Variants in MCPH1 observed in about 807,000 individuals in gnomAD.
MCPH1 encodes microcephalin.
Under a neutral mutation model 84.5 loss-of-function variants are expected in MCPH1, and 104 were observed. The observed-to-expected ratio is 1.23, with a 90% CI of 1.05 to 1.45. The LOEUF (loss-of-function observed/expected upper bound fraction) is 1.45, where lower values mean the gene tolerates loss of function less well. Among genes scored for constraint, MCPH1 ranks in the 40% most tolerant of loss-of-function variants. The probability of loss-of-function intolerance (pLI) is 0.00; values close to 1 mark genes in which losing one functional copy is unlikely to be tolerated. For missense variants in MCPH1, 1,498 were observed against 1,005.7 expected (o/e 1.49, Z -6.62); for synonymous variants, 514 against 366.8 (o/e 1.40, Z -4.58).
chr8:6,472,942 G>C (rs754337060), intron 9 of MCPH1, among the ~76,000 whole-genome samples: 1 of 152,176 alleles, frequency 6.6e-6, no homozygotes, highest in Non-Finnish European at 1.5e-5. Flanking sequence ...AAAGTAAACA[G>C]AGAGGTAACA....
rs765741900 is a variant in MCPH1 at position 6,513,714 on chromosome 8, T to G, written c.2214+13785T>G. On this transcript the variant is annotated intron_variant, in intron 12 of 13. Coordinates refer to ENST00000344683, the MANE Select transcript of MCPH1 (RefSeq NM_024596.5). ...TTCTTCACTTGAGAGATAGAAATGT[T>G]CATACAATGAGTAAGCCTCATTCCC... 52 of 1,613,644 alleles carry G rather than the reference T, an allele frequency of 3.2e-5. No individual in the cohort carries two copies. The highest frequency in any genetic ancestry group is 3.6e-5 in the Non-Finnish European group (42 of 1,179,874).
intron 12 of MCPH1, among the ~76,000 whole-genome samples, chr8:6,605,932 A>G (rs780308084): frequency 2.6e-5 from 4 of 152,144 alleles, no homozygotes; most frequent in Admixed American, 6.5e-5. Context: ...CCTGACCTCA[A>G]GTGATCTACC....
At chr8:6,423,531 TTATATATA>T (rs1200819454) in intron 3 of MCPH1, among the ~76,000 whole-genome samples, 1 of 152,192 alleles carries the variant, frequency 6.6e-6, no homozygotes, top group Non-Finnish European at 1.5e-5. Flanking sequence ...GCATCCCACT[TTATATATA>T]TAAGAATATT....
chr8:6,637,908 T>G (rs1003222932), intron 13 of MCPH1, among the ~76,000 whole-genome samples: 1 of 152,184 alleles, frequency 6.6e-6, no homozygotes, highest in Non-Finnish European at 1.5e-5. Flanking sequence ...CAGAGCCAGG[T>G]GCACTCGCTG....
At chr8:6,622,483 G>A (rs2980659) in intron 13 of MCPH1, among the ~76,000 whole-genome samples, 1,855 of 152,316 alleles carry the variant, frequency 0.012, 39 homozygotes, top group African/African-American at 0.041. Flanking sequence ...CATATGTGGC[G>A]GGACAAGCCT....
At chr8:6,477,412 A>T in intron 9 of MCPH1, 182 bp from the exon 10 acceptor site, 26 of 554,096 alleles carry the variant, frequency 4.7e-5, no homozygotes, top group Non-Finnish European at 6.4e-5. Context: ...ACAGTATCTG[A>T]GTTTCTATCT....
At position 6,643,309 on chromosome 8, in the gene MCPH1, G is replaced by C. The variant is rs1242291720; in HGVS notation, c.*260G>C. ...AGACGGAGTCCTGCCCTGTTTCCCA[G>C]GCTGGAGTGCAATGGCACAATCTCG... On this transcript the variant is annotated 3_prime_UTR_variant, in exon 14 of 14. Coordinates refer to ENST00000344683, the MANE Select transcript of MCPH1 (RefSeq NM_024596.5). 1 of 473,186 alleles carries C rather than the reference G, an allele frequency of 2.1e-6. No homozygotes were observed. The highest frequency in any genetic ancestry group is 3.8e-6 in the Non-Finnish European group (1 of 261,726). 29.3% of individuals were successfully genotyped at this position (473,186 alleles called of 1,614,324 possible). A position where few individuals can be genotyped will look rare whatever the true frequency, so the allele number is the denominator to read the frequency against.
At chr8:6,534,543 A>G (rs943224223) in intron 12 of MCPH1, among the ~76,000 whole-genome samples, 5 of 152,226 alleles carry the variant, frequency 3.3e-5, no homozygotes, top group African/African-American at 9.6e-5. Flanking sequence ...TGCTGGGACT[A>G]CGAGCGTGAG....
At chr8:6,475,304 T>C (rs1008485653) in intron 9 of MCPH1, among the ~76,000 whole-genome samples, 3 of 152,250 alleles carry the variant, frequency 2.0e-5, no homozygotes, top group South Asian at 2.1e-4. Context: ...GGCACTCCTT[T>C]TACGTGGTGG....
chr8:6,522,078 G>A lies in MCPH1; in HGVS notation c.2214+22149G>A, dbSNP rs200941200. On this transcript the variant is annotated intron_variant, in intron 12 of 13. Transcript: ENST00000344683. Reference sequence around the variant, plus strand: ...GGGTTTTAAAATGTAAATGCTGGCCGGGCGCAGTGGCTCACGCTTGTAATC... The same window carrying A: ...GGGTTTTAAAATGTAAATGCTGGCCAGGCGCAGTGGCTCACGCTTGTAATC... Among the ~76,000 whole-genome samples the A allele has an allele frequency of 1.1e-4, 16 of 152,284 alleles. No homozygotes were observed. The East Asian group carries it at 3.1e-3, about 29-fold the overall frequency.
rs555375213 is a variant in MCPH1, at chr8:6,555,663, G to A, written c.2214+55734G>A. On this transcript the variant is annotated intron_variant, in intron 12 of 13. Coordinates refer to ENST00000344683, the MANE Select transcript of MCPH1 (RefSeq NM_024596.5). ...TTTTTGGTAGAGACGGGGTTTCATCGTGTTGGCCAGGCTGGTTTTGAACTC... is the reference window on the plus strand; with the variant it reads ...TTTTTGGTAGAGACGGGGTTTCATCATGTTGGCCAGGCTGGTTTTGAACTC... Among the ~76,000 whole-genome samples the A allele has an allele frequency of 5.3e-5, 8 of 151,988 alleles. No homozygotes were observed. In the South Asian group the frequency reaches 8.3e-4, roughly 16 times the overall value.
chr8:6,642,988 C>G lies in MCPH1; in HGVS notation c.2453-6C>G. ...AATGCTAAACTGCTTTTCGCTCTCT[C>G]TCTAGATTCCATCACCCAGCACAAG... On this transcript the variant is annotated splice_polypyrimidine_tract_variant and splice_region_variant and intron_variant, in intron 13 of 13. Transcript: ENST00000344683. 1.2e-6 allele frequency: 2 copies of G among 1,613,920 alleles called. No homozygotes were observed. Among genetic ancestry groups the G allele is most frequent in the South Asian group, 1.1e-5 (1 of 91,046 alleles).
intron 4 of MCPH1, among the ~76,000 whole-genome samples, chr8:6,433,519 G>C (rs1054775957): frequency 2.4e-4 from 36 of 151,342 alleles, no homozygotes; most frequent in African/African-American, 8.8e-4. Flanking sequence ...TGTAATCCCA[G>C]CTACTCAGGA....
chr8:6,645,606 C>CAAAAAAAA lies in MCPH1; in HGVS notation c.*2570_*2577dup, dbSNP rs34907559. ...CTATGTATAGAAATTGTAAGGAATG[C>CAAAAAAAA]AAAAAAAAAAAAAAAAAAAAGCCCT... On this transcript the variant is annotated 3_prime_UTR_variant, in exon 14 of 14. Coordinates refer to ENST00000344683, the MANE Select transcript of MCPH1 (RefSeq NM_024596.5). 1 of 51,764 alleles carries CAAAAAAAA rather than the reference C, an allele frequency of 1.9e-5. No individual in the cohort carries two copies. Among genetic ancestry groups the CAAAAAAAA allele is most frequent in the East Asian group, 4.9e-4 (1 of 2,054 alleles). The allele number at this position is 51,764 out of a possible 1,614,324, so 3.2% of individuals were successfully genotyped here. A position where few individuals can be genotyped will look rare whatever the true frequency, so the allele number is the denominator to read the frequency against.
intron 12 of MCPH1, among the ~76,000 whole-genome samples, chr8:6,587,009 C>G: frequency 6.6e-6 from 1 of 152,086 alleles, no homozygotes; most frequent in East Asian, 1.9e-4. Flanking sequence ...CCTCGGCTTA[C>G]CACCCAGCGC....
rs1213229152 is a variant in MCPH1, at chr8:6,614,193, A to G, written c.2215-7261A>G. ...TGGGTCTGACTTCACCTCTTTTGCAATGATCAGCACTAGGATATGGTTTTG... is the reference window on the plus strand; with the variant it reads ...TGGGTCTGACTTCACCTCTTTTGCAGTGATCAGCACTAGGATATGGTTTTG... On this transcript the variant is annotated intron_variant, in intron 12 of 13. Transcript: ENST00000344683. Among the ~76,000 whole-genome samples the G allele has an allele frequency of 2.6e-5, 4 of 152,314 alleles. No homozygotes were observed. In the East Asian group the frequency reaches 5.8e-4, roughly 22 times the overall value.
In MCPH1 at chr8:6,625,694, G is replaced by T. The variant is rs1350399391; in HGVS notation, c.2452+4003G>T. 4.1e-6 allele frequency: 4 copies of T among 982,524 alleles called. No homozygotes were observed. In the Admixed American group the frequency reaches 1.8e-4, roughly 45 times the overall value. 60.9% of individuals were successfully genotyped at this position (982,524 alleles called of 1,614,324 possible). A position where few individuals can be genotyped will look rare whatever the true frequency, so the allele number is the denominator to read the frequency against. ...TGCCTGTTGTCTTAGCTACGTGGGAGCTTGGCTTGAGCCCATAAGTTCAAG... is the reference window on the plus strand; with the variant it reads ...TGCCTGTTGTCTTAGCTACGTGGGATCTTGGCTTGAGCCCATAAGTTCAAG... On this transcript the variant is annotated intron_variant, in intron 13 of 13. Transcript: ENST00000344683.
intron 10 of MCPH1, 82 bp downstream of exon 10, chr8:6,477,713 A>ACCCAG: frequency 1.8e-6 from 2 of 1,084,188 alleles, no homozygotes; most frequent in Non-Finnish European, 2.9e-6. Context: ...GCCTTTAGGC[A>ACCCAG]ACTTGTCAAT....
intron 12 of MCPH1, among the ~76,000 whole-genome samples, chr8:6,509,753 G>A (rs950402688): frequency 6.6e-6 from 1 of 152,144 alleles, no homozygotes; most frequent in Non-Finnish European, 1.5e-5. Flanking sequence ...GAATACACCT[G>A]ACCTTTGGAG....
Sources: gnomAD v4.1 joint callset for allele counts (sites outside exome capture counted in the v4.1 genomes callset) on GRCh38, gnomAD v4.1.1 for gene constraint, MANE v1.5 for transcripts, NCBI Gene and HGNC (gene_info 2026-07-23, HGNC 2026-07-21) for gene names.